The following AGBL1 variants were observed in gnomAD, a reference collection of about 807,000 sequenced individuals.
The protein encoded by AGBL1 is cytosolic carboxypeptidase 4.
AGBL1 carries 130 observed loss-of-function variants against 118.9 expected under a neutral mutation model. That is an observed-to-expected ratio of 1.09 (90% CI 0.95 to 1.26). The LOEUF (loss-of-function observed/expected upper bound fraction) is 1.26, where lower values mean the gene tolerates loss of function less well. Among genes scored for constraint, AGBL1 ranks in the 50% most tolerant of loss-of-function variants. AGBL1 has a pLI of 0.00. For synonymous variants in AGBL1, 555 were observed against 478.9 expected, an observed-to-expected ratio of 1.16 and a Z score of -2.08; for missense variants, 1,584 against 1,298.1, an observed-to-expected ratio of 1.22 and a Z score of -3.38.
chr15:86,516,322 G>T (rs903178804), intron 18 of AGBL1, among the ~76,000 whole-genome samples: 4 of 152,180 alleles, frequency 2.6e-5, no homozygotes, highest in East Asian at 3.9e-4. Flanking sequence ...TGGGAGGAAG[G>T]TTGTGCAGTT....
chr15:86,974,595 A>G (rs1375246638), intron 23 of AGBL1, among the ~76,000 whole-genome samples: 5 of 140,814 alleles, frequency 3.6e-5, no homozygotes, highest in Middle Eastern at 3.8e-3. Context: ...AAAATTATAT[A>G]TAATTATATA....
intron 22 of AGBL1, among the ~76,000 whole-genome samples, chr15:86,807,405 G>A (rs1044230055): frequency 6.6e-6 from 1 of 152,114 alleles, no homozygotes; most frequent in Non-Finnish European, 1.5e-5. Flanking sequence ...GAACATAGTA[G>A]GAGCACCAAA....
chr15:86,215,377 A>G (rs1393000171), intron 5 of AGBL1, among the ~76,000 whole-genome samples: 5 of 151,640 alleles, frequency 3.3e-5, no homozygotes, highest in African/African-American at 4.8e-5. Context: ...TGCTTTATCC[A>G]CCTGTTATTT....
At chr15:86,570,681 A>T (rs922283309) in intron 21 of AGBL1, among the ~76,000 whole-genome samples, 9 of 152,160 alleles carry the variant, frequency 5.9e-5, no homozygotes, top group African/African-American at 2.2e-4. Context: ...TGGTCCACAA[A>T]CTATTTTTCA....
At chr15:86,887,987 C>T (rs903119931) in intron 22 of AGBL1, among the ~76,000 whole-genome samples, 1 of 152,080 alleles carries the variant, frequency 6.6e-6, no homozygotes, top group Non-Finnish European at 1.5e-5. Context: ...AAAAATATAA[C>T]AATGAAGAAG....
At chr15:87,011,064 T>C (rs970145066) in intron 24 of AGBL1, among the ~76,000 whole-genome samples, 20 of 152,228 alleles carry the variant, frequency 1.3e-4, no homozygotes, top group African/African-American at 4.8e-4. Context: ...CTCTCATATA[T>C]GAGTGAGACC....
At chr15:86,174,768 C>A (rs1273436795) in intron 5 of AGBL1, among the ~76,000 whole-genome samples, 1 of 152,038 alleles carries the variant, frequency 6.6e-6, no homozygotes, top group Non-Finnish European at 1.5e-5. Context: ...TGGTTTTTAT[C>A]TTCCATTCTG....
chr15:86,507,113 C>A (rs1268367334), intron 18 of AGBL1, among the ~76,000 whole-genome samples: 1 of 151,950 alleles, frequency 6.6e-6, no homozygotes, highest in Non-Finnish European at 1.5e-5. Context: ...CGCAGCCAAG[C>A]TACTAATGAT....
intron 21 of AGBL1, among the ~76,000 whole-genome samples, chr15:86,595,441 C>G (rs548912215): frequency 4.8e-4 from 73 of 152,262 alleles, no homozygotes; most frequent in African/African-American, 1.7e-3. Flanking sequence ...GTTCAGAATC[C>G]TTGGCTTCAA....
intron 6 of AGBL1, among the ~76,000 whole-genome samples, chr15:86,231,819 TA>T (rs1337816116): frequency 6.6e-6 from 1 of 152,158 alleles, no homozygotes; most frequent in Non-Finnish European, 1.5e-5. Context: ...TTATTTAGCC[TA>T]AAGAAGATAT....
chr15:86,401,188 T>C (rs1414689161), intron 18 of AGBL1, among the ~76,000 whole-genome samples: 2 of 152,222 alleles, frequency 1.3e-5, no homozygotes, highest in Non-Finnish European at 2.9e-5. Context: ...GTGGTTTTAA[T>C]TTGCATTTCC....
intron 22 of AGBL1, among the ~76,000 whole-genome samples, chr15:86,739,337 A>G (rs556979869): frequency 2.7e-5 from 4 of 150,564 alleles, no homozygotes; most frequent in Non-Finnish European, 5.9e-5. Context: ...CAGCTACTCA[A>G]GAGGCTGAGG....
At chr15:86,167,878 C>A (rs1156638666) in intron 5 of AGBL1, among the ~76,000 whole-genome samples, 1 of 152,172 alleles carries the variant, frequency 6.6e-6, no homozygotes, top group Non-Finnish European at 1.5e-5. Flanking sequence ...TATTAGCTCT[C>A]TATGTGATCA....
At chr15:86,274,908 C>T (rs1457615564) in intron 15 of AGBL1, among the ~76,000 whole-genome samples, 1 of 152,112 alleles carries the variant, frequency 6.6e-6, no homozygotes, top group Non-Finnish European at 1.5e-5. Context: ...TGCCCCTCCC[C>T]TGGAGCACCT....
intron 24 of AGBL1, among the ~76,000 whole-genome samples, chr15:87,023,984 G>A (rs1000065110): frequency 1.3e-5 from 2 of 151,884 alleles, no homozygotes; most frequent in Non-Finnish European, 2.9e-5. Context: ...ACAAAAGGCA[G>A]TGCTAAGAGG....
At chr15:86,681,933 A>G (rs187137046) in intron 22 of AGBL1, among the ~76,000 whole-genome samples, 1 of 152,188 alleles carries the variant, frequency 6.6e-6, no homozygotes, top group South Asian at 2.1e-4. Context: ...AATGGTTTCC[A>G]TAAAGATCCC....
At chr15:86,171,748 A>G (rs761744975) in intron 5 of AGBL1, among the ~76,000 whole-genome samples, 4 of 152,214 alleles carry the variant, frequency 2.6e-5, no homozygotes, top group African/African-American at 7.2e-5. Flanking sequence ...TCTGCTGCAT[A>G]TAAGAACCAC....
chr15:86,495,772 CTGTT>C (rs140643267), intron 18 of AGBL1, among the ~76,000 whole-genome samples: 27 of 151,664 alleles, frequency 1.8e-4, no homozygotes, highest in East Asian at 7.8e-4. Flanking sequence ...TGCATCTTCT[CTGTT>C]TGGTATATAA....
intron 22 of AGBL1, among the ~76,000 whole-genome samples, chr15:86,789,677 G>A (rs1186344192): frequency 2.0e-5 from 3 of 152,164 alleles, no homozygotes; most frequent in African/African-American, 7.2e-5. Flanking sequence ...TCACTCCAGA[G>A]AGTGGTTTGA....
Sources: allele counts gnomAD v4.1 joint callset (sites outside exome capture counted in the v4.1 genomes callset), GRCh38; gene constraint gnomAD v4.1.1; transcripts MANE v1.5; gene names NCBI Gene and HGNC (gene_info 2026-07-23, HGNC 2026-07-21).